AP1G1: variants seen among roughly 807,000 people sequenced by gnomAD.
AP1G1 encodes the protein AP-1 complex subunit gamma-1.
A neutral mutation model predicts 108.3 loss-of-function variants in AP1G1; 7 were observed. The observed-to-expected ratio is 0.06, with a 90% CI of 0.04 to 0.12. The LOEUF (loss-of-function observed/expected upper bound fraction) is 0.12, where lower values mean the gene tolerates loss of function less well. AP1G1 is among the 10% of genes least tolerant of loss of function. AP1G1 has a pLI of 1.00. For synonymous variants in AP1G1, 379 were observed against 353.5 expected (o/e 1.07, Z -0.81); for missense variants, 756 against 1,010.7 (o/e 0.75, Z 3.42).
At position 71,785,288 on chromosome 16, in the gene AP1G1, A is replaced by G. The variant is rs370303189; in HGVS notation, c.201+3991T>C. ...TTAAAACATATTTAAAAGTCTTCCA[A>G]TAACTAGGCTGGGTGTGGTGGCTCA... On this transcript the variant is annotated intron_variant, in intron 2 of 22. Transcript: ENST00000299980. Among the ~76,000 whole-genome samples, 16 of 152,304 alleles carry G rather than the reference A, an allele frequency of 1.1e-4. No individual in the cohort carries two copies. The South Asian group carries it at 3.1e-3, about 30-fold the overall frequency.
chr16:71,735,879 C>G (rs2045528929), intron 21 of AP1G1, among the ~76,000 whole-genome samples: 1 of 151,260 alleles, frequency 6.6e-6, no homozygotes, highest in Admixed American at 6.6e-5. Flanking sequence ...CACGGTATTC[C>G]CAGCACTTTG....
chr16:71,756,272 G>T, intron 11 of AP1G1, 113 bp from the exon 12 acceptor site: 1 of 839,762 alleles, frequency 1.2e-6, no homozygotes, highest in Non-Finnish European at 1.8e-6. Context: ...TGACGTCCTT[G>T]CACGATCTTG....
At chr16:71,804,315 G>C (rs2032920639) in intron 1 of AP1G1, among the ~76,000 whole-genome samples, 1 of 151,856 alleles carries the variant, frequency 6.6e-6, no homozygotes. Flanking sequence ...CAAAGTGCTG[G>C]GATTACAGGC....
In AP1G1 at chr16:71,746,592, T is replaced by C. The variant is rs773296455; in HGVS notation, c.1726A>G (p.Met576Val). 5.0e-6 allele frequency: 8 copies of C among 1,599,596 alleles called. No homozygotes were observed. The highest frequency in any genetic ancestry group is 4.5e-5 in the East Asian group (2 of 44,686). Reference protein sequence around the residue: ...YNALFKKYDHMRSALLERMPV... With the variant: ...YNALFKKYDHVRSALLERMPV... ...TGCTTAGTTTCTTTCGCTCACCTCA[T>C]GTGGTCATATTTCTTGAAAAGTGCA... Residue 576 changes from methionine (M) to valine (V), a missense_variant, in exon 17 of 23, where the codon ATG becomes GTG. By Grantham distance (21) the Met-to-Val change is conservative. Coordinates refer to ENST00000299980, the MANE Select transcript of AP1G1 (RefSeq NM_001128.6).
chr16:71,791,495 G>A (rs1157806361), intron 1 of AP1G1, among the ~76,000 whole-genome samples: 1 of 151,960 alleles, frequency 6.6e-6, no homozygotes, highest in African/African-American at 2.4e-5. Flanking sequence ...AATGTTGTAT[G>A]TAGATAGGGA....
At chr16:71,802,385 G>A (rs1214547808) in intron 1 of AP1G1, among the ~76,000 whole-genome samples, 2 of 152,040 alleles carry the variant, frequency 1.3e-5, no homozygotes, top group African/African-American at 2.4e-5. Flanking sequence ...TCCTGCCTCA[G>A]GCTCCCAGGC....
At chr16:71,793,904 G>A (rs2032491603) in intron 1 of AP1G1, among the ~76,000 whole-genome samples, 1 of 152,100 alleles carries the variant, frequency 6.6e-6, no homozygotes, top group South Asian at 2.1e-4. Flanking sequence ...TTTTTTTAGA[G>A]ATGAGGTTTC....
intron 18 of AP1G1, 81 bp downstream of exon 18, chr16:71,745,392 A>T (rs1472360987): frequency 6.2e-7 from 1 of 1,607,010 alleles, no homozygotes; most frequent in African/African-American, 1.3e-5. Flanking sequence ...AGGAACATTA[A>T]AGGGACTCAG....
At chr16:71,757,987 G>T (rs775718276) in intron 11 of AP1G1, among the ~76,000 whole-genome samples, 1 of 152,048 alleles carries the variant, frequency 6.6e-6, no homozygotes, top group Non-Finnish European at 1.5e-5. Flanking sequence ...CCACTGAGAG[G>T]GTACTTATAA....
At chr16:71,808,520 A>T in intron 1 of AP1G1, 14 of 1,273,728 alleles carry the variant, frequency 1.1e-5, no homozygotes, top group Non-Finnish European at 1.4e-5. Flanking sequence ...GGGCAACGCC[A>T]CAACACGGAA....
chr16:71,730,277 T>C lies in AP1G1; in HGVS notation c.*2781A>G, dbSNP rs1472490739. On this transcript the variant is annotated 3_prime_UTR_variant, in exon 23 of 23. Transcript: ENST00000299980. ...CTACAGTTTTTTGAGATTACTTAGA[T>C]GAATTAATTCTCCTTTAGGATTCCC... is the stretch of plus-strand genomic sequence containing the variant. The C allele has an allele frequency of 1.3e-5, 2 of 152,572 alleles. No individual in the cohort carries two copies. The highest frequency in any genetic ancestry group is 2.9e-5 in the Non-Finnish European group (2 of 68,030). 9.5% of individuals were successfully genotyped at this position (152,572 alleles called of 1,614,324 possible). A position where few individuals can be genotyped will look rare whatever the true frequency, so the allele number is the denominator to read the frequency against.
At chr16:71,748,761 G>C (rs2145434239) in intron 15 of AP1G1, among the ~76,000 whole-genome samples, 1 of 152,286 alleles carries the variant, frequency 6.6e-6, no homozygotes, top group Admixed American at 6.5e-5. Context: ...TAAGAACATG[G>C]ATACATGTCT....
In AP1G1 at chr16:71,749,966, C is replaced by T. The variant is rs1452234779; in HGVS notation, c.1425G>A (p.Val475=). 1.2e-6 allele frequency: 2 copies of T among 1,612,950 alleles called. No homozygotes were observed. The highest frequency in any genetic ancestry group is 2.7e-5 in the African/African-American group (2 of 74,880). Residue 475 remains valine (V), a synonymous_variant, in exon 15 of 23, where the codon GTG becomes GTA. Transcript: ENST00000299980. ...CATATTCACCTATACACCATGCAGC[C>T]ACTTGTACCAAAGGTTGCTGTGAAA... is the stretch of plus-strand genomic sequence containing the variant. ...GDYSQQPLVQ[V]AAWCIGEYGD...
At chr16:71,761,604 T>TTTCTTTTC in intron 9 of AP1G1, 37 bp from the exon 10 acceptor site, 1 of 1,494,060 alleles carries the variant, frequency 6.7e-7, no homozygotes, top group Non-Finnish European at 9.3e-7. Context: ...TTTAGGAAAA[T>TTTCTTTTC]GGAAGTTTTA....
At chr16:71,779,939 C>T (rs1041991967) in intron 2 of AP1G1, among the ~76,000 whole-genome samples, 2 of 151,400 alleles carry the variant, frequency 1.3e-5, no homozygotes, top group Admixed American at 1.3e-4. Flanking sequence ...GGCAACCCAG[C>T]AAGACCCCAT....
intron 2 of AP1G1, among the ~76,000 whole-genome samples, chr16:71,784,703 C>A (rs1323194375): frequency 6.6e-6 from 1 of 151,836 alleles, no homozygotes; most frequent in Non-Finnish European, 1.5e-5. Context: ...GGATTACAGG[C>A]ACCCACCATC....
At chr16:71,754,369 GGAAAA>G (rs2030668486) in intron 12 of AP1G1, among the ~76,000 whole-genome samples, 1 of 151,122 alleles carries the variant, frequency 6.6e-6, no homozygotes, top group Non-Finnish European at 1.5e-5. Context: ...AGGAAGGAAA[GGAAAA>G]GAAAGGAAAA....
chr16:71,758,386 T>G (rs763753889), intron 11 of AP1G1: 2 of 518,124 alleles, frequency 3.9e-6, no homozygotes, highest in Non-Finnish European at 7.7e-6. Flanking sequence ...TCCTGGGGCG[T>G]AAGTACTGTG....
intron 1 of AP1G1, among the ~76,000 whole-genome samples, chr16:71,805,284 C>T (rs1286788182): frequency 6.6e-6 from 1 of 151,982 alleles, no homozygotes; most frequent in African/African-American, 2.4e-5. Context: ...CCCGCCTCTA[C>T]TAAAAATACA....
Sources: gnomAD v4.1 joint callset for allele counts (sites outside exome capture counted in the v4.1 genomes callset) on GRCh38, gnomAD v4.1.1 for gene constraint, MANE v1.5 for transcripts, NCBI Gene and HGNC (gene_info 2026-07-23, HGNC 2026-07-21) for gene names.